The following ZNF235 variants were observed in gnomAD, a reference collection of about 807,000 sequenced individuals.
ZNF235 encodes zinc finger protein 235.
A neutral mutation model predicts 29.4 loss-of-function variants in ZNF235; 25 were observed. The ratio of observed to expected loss-of-function variants is 0.85; its 90% CI spans 0.62 to 1.19. ZNF235 has a LOEUF of 1.19. ZNF235 is among the 50% of genes most tolerant of loss of function. The pLI, the probability that ZNF235 is intolerant of heterozygous loss-of-function variation, is 0.00. For synonymous variants in ZNF235, 300 were observed against 295.3 expected, an observed-to-expected ratio of 1.02 and a Z score of -0.16; for missense variants, 788 against 885.0, an observed-to-expected ratio of 0.89 and a Z score of 1.39.
rs2123111818 is a variant in ZNF235 at position 44,304,702 on chromosome 19, C to T, written c.-49+269G>A. On this transcript the variant is annotated intron_variant, in intron 1 of 4. Transcript: ENST00000291182. ...ACAAGGAGAGATTAAGTAACTTGCC[C>T]AATATTTTACTGCGAGGAGCAGGCA... The T allele has an allele frequency of 1.0e-5, 10 of 985,082 alleles. No homozygotes were observed. In the South Asian group the frequency reaches 3.3e-4, roughly 32 times the overall value. The allele number at this position is 985,082 out of a possible 1,614,324, so 61.0% of individuals were successfully genotyped here.
intron 3 of ZNF235, 25 bp downstream of exon 3, chr19:44,299,581 A>T: frequency 1.2e-6 from 2 of 1,612,356 alleles, no homozygotes; most frequent in Non-Finnish European, 1.7e-6. Flanking sequence ...AACCCTGCTG[A>T]ATTACAGAGG....
intron 2 of ZNF235, among the ~76,000 whole-genome samples, 163 bp from the exon 3 acceptor site, chr19:44,299,895 A>T (rs1025394356): frequency 1.3e-5 from 2 of 152,206 alleles, no homozygotes; most frequent in Non-Finnish European, 2.9e-5. Context: ...TGCCCTTTAT[A>T]TAGTTAAATT....
chr19:44,293,950 T>TAA (rs58642226), intron 4 of ZNF235, among the ~76,000 whole-genome samples: 1 of 144,620 alleles, frequency 6.9e-6, no homozygotes, highest in African/African-American at 2.5e-5. Context: ...ATGTCTACAC[T>TAA]AAAAAAAAAA....
intron 1 of ZNF235, among the ~76,000 whole-genome samples, chr19:44,304,434 C>A (rs373006990): frequency 6.6e-6 from 1 of 152,174 alleles, no homozygotes; most frequent in African/African-American, 2.4e-5. Context: ...GTCCAAGAAT[C>A]CAGGAACGGC....
intron 4 of ZNF235, among the ~76,000 whole-genome samples, chr19:44,296,467 T>C (rs1975655917): frequency 6.6e-6 from 1 of 152,202 alleles, no homozygotes; most frequent in Non-Finnish European, 1.5e-5. Context: ...GTAAAATGAA[T>C]GTTAAAACTG....
At chr19:44,301,367 A>T (rs1975734098) in intron 2 of ZNF235, among the ~76,000 whole-genome samples, 1 of 152,216 alleles carries the variant, frequency 6.6e-6, no homozygotes, top group Non-Finnish European at 1.5e-5. Context: ...GCACTGAGAA[A>T]GGGAATCTGG....
In ZNF235 at chr19:44,287,742, G is replaced by T. The variant is rs1227191601; in HGVS notation, c.1693C>A (p.His565Asn). The change falls in exon 5 of 5, where the codon CAC (histidine) becomes AAC (asparagine). Residue 565 changes from histidine (H) to asparagine (N), a missense_variant. Physicochemically the swap from His to Asn is moderately conservative, Grantham distance 68. Coordinates refer to ENST00000291182, the MANE Select transcript of ZNF235 (RefSeq NM_004234.4). ...CATTTGTAGGGTTTCTCTCCGGTGT[G>T]GACTCTCTGATGATTGTGAAGATTC... ...SLNLHNHQRV[H>N]TGEKPYKCEE... 1 of 1,614,076 alleles carries T rather than the reference G, an allele frequency of 6.2e-7. No homozygotes were observed. Among genetic ancestry groups the T allele is most frequent in the African/African-American group, 1.3e-5 (1 of 75,022 alleles).
chr19:44,297,689 C>T (rs1193005737), intron 4 of ZNF235, among the ~76,000 whole-genome samples: 5 of 152,082 alleles, frequency 3.3e-5, no homozygotes, highest in Non-Finnish European at 7.4e-5. Context: ...TCTCGAACTC[C>T]CGACCTCAGG....
chr19:44,292,403 A>G (rs1243615460), intron 4 of ZNF235, among the ~76,000 whole-genome samples: 1 of 151,800 alleles, frequency 6.6e-6, no homozygotes, highest in Non-Finnish European at 1.5e-5. Context: ...AAAGCCAAAC[A>G]AATAAAAACT....
intron 2 of ZNF235, among the ~76,000 whole-genome samples, chr19:44,300,150 A>C (rs967606462): frequency 6.6e-6 from 1 of 152,178 alleles, no homozygotes; most frequent in Non-Finnish European, 1.5e-5. Context: ...TTAAGAGTAC[A>C]GGCTCTGGAG....
chr19:44,289,687 C>A (rs1248010891), intron 4 of ZNF235: 1 of 152,534 alleles, frequency 6.6e-6, no homozygotes, highest in Non-Finnish European at 1.5e-5. Flanking sequence ...AACTGCAGAA[C>A]AACAAAATGA....
At chr19:44,298,214 T>C (rs1378707664) in intron 4 of ZNF235, among the ~76,000 whole-genome samples, 1 of 152,074 alleles carries the variant, frequency 6.6e-6, no homozygotes, top group African/African-American at 2.4e-5. Flanking sequence ...ATGTCATATC[T>C]GAGGAACAAG....
chr19:44,298,692 A>C (rs1599891592), intron 4 of ZNF235, 116 bp downstream of exon 4: 2 of 796,014 alleles, frequency 2.5e-6, no homozygotes, highest in Non-Finnish European at 4.0e-6. Flanking sequence ...CATCGCGCCC[A>C]ACCATGACAG....
Position 44,289,292 on chromosome 19 carries a change from C to A in ZNF235, c.239-96G>T. ...TAAGCTCTCATTTTCCCCATGGAAA[C>A]GTCAAAAAAACAACTAGACTGGCTG... On this transcript the variant is annotated intron_variant, in intron 4 of 4. Transcript: ENST00000291182. 8.4e-7 allele frequency: 1 copy of A among 1,189,036 alleles called. No individual in the cohort carries two copies. The highest frequency in any genetic ancestry group is 1.1e-6 in the Non-Finnish European group (1 of 884,676). 73.7% of individuals were successfully genotyped at this position (1,189,036 alleles called of 1,614,324 possible).
chr19:44,289,399 A>C, intron 4 of ZNF235: 1 of 541,652 alleles, frequency 1.8e-6, no homozygotes, highest in Non-Finnish European at 3.2e-6. Context: ...TAAGATAGAA[A>C]ATTTGAGATC....
intron 1 of ZNF235, chr19:44,304,738 G>GT (rs1340591995): frequency 1.0e-6 from 1 of 985,496 alleles, no homozygotes; most frequent in East Asian, 1.1e-4. Flanking sequence ...GGACTGGCTG[G>GT]TAGGTGCGTG....
intron 4 of ZNF235, among the ~76,000 whole-genome samples, chr19:44,294,199 CATAAT>C (rs1222618627): frequency 6.6e-6 from 1 of 152,038 alleles, no homozygotes; most frequent in Non-Finnish European, 1.5e-5. Flanking sequence ...TCCAAATAAA[CATAAT>C]CAGAAATGAA....
At chr19:44,300,020 T>C (rs1210583859) in intron 2 of ZNF235, among the ~76,000 whole-genome samples, 1 of 152,216 alleles carries the variant, frequency 6.6e-6, no homozygotes, top group East Asian at 1.9e-4. Flanking sequence ...TTGATAGTAC[T>C]ACCACTATTT....
Position 44,287,087 on chromosome 19 carries a change from G to A in ZNF235, c.*131C>T. On this transcript the variant is annotated 3_prime_UTR_variant, in exon 5 of 5. Transcript: ENST00000291182. Reference sequence around the variant, plus strand: ...ACCAAGTCTAAAACACAGCATTTGAGAGACTTCTTTCCTGTCAAGATTCTT... The same window carrying A: ...ACCAAGTCTAAAACACAGCATTTGAAAGACTTCTTTCCTGTCAAGATTCTT... 1 of 935,872 alleles carries A rather than the reference G, an allele frequency of 1.1e-6. No homozygotes were observed. The highest frequency in any genetic ancestry group is 1.5e-6 in the Non-Finnish European group (1 of 645,518). 58.0% of individuals were successfully genotyped at this position (935,872 alleles called of 1,614,324 possible).
Sources: gnomAD v4.1 joint callset for allele counts (sites outside exome capture counted in the v4.1 genomes callset) on GRCh38, gnomAD v4.1.1 for gene constraint, MANE v1.5 for transcripts, NCBI Gene and HGNC (gene_info 2026-07-23, HGNC 2026-07-21) for gene names.